Variants in KLHL25 observed in about 807,000 individuals in gnomAD.
KLHL25 encodes the protein kelch-like protein 25.
In KLHL25, 41 loss-of-function variants were observed where a neutral mutation model predicts 30.0. The observed-to-expected ratio is 1.37, with a 90% confidence interval of 1.07 to 1.78. The LOEUF (loss-of-function observed/expected upper bound fraction) is 1.78. Among genes scored for constraint, KLHL25 ranks in the 40% most tolerant of loss-of-function variants. The probability of loss-of-function intolerance (pLI) is 0.00; values close to 1 mark genes in which losing one functional copy is unlikely to be tolerated. For synonymous variants in KLHL25, 399 were observed against 355.3 expected (o/e 1.12, Z -1.38); for missense variants, 971 against 824.5 (o/e 1.18, Z -2.18).
At position 85,768,998 on chromosome 15, in the gene KLHL25, G is replaced by T; in HGVS notation, c.813C>A (p.Arg271=). ...CATTCTGCAGGATCCTGGTCTTGCAGCGCAGGGCCTCATCCATGATAAGCT... is the reference window on the plus strand; with the variant it reads ...CATTCTGCAGGATCCTGGTCTTGCATCGCAGGGCCTCATCCATGATAAGCT... The part of the protein sequence containing the change: ...RTKLIMDEAL[R]CKTRILQNDG... Residue 271 remains arginine, a synonymous_variant, in exon 2 of 3, where the codon CGC becomes CGA. Transcript: ENST00000337975. 2.5e-6 allele frequency: 4 copies of T among 1,612,182 alleles called. No homozygotes were observed. Among genetic ancestry groups the T allele is most frequent in the Non-Finnish European group, 3.4e-6 (4 of 1,179,830 alleles).
At chr15:85,784,518 G>C (rs541215659) in intron 1 of KLHL25, among the ~76,000 whole-genome samples, 124 of 150,006 alleles carry the variant, frequency 8.3e-4, no homozygotes, top group African/African-American at 2.9e-3. Context: ...CAACAACAGC[G>C]AAACTCCATC....
At position 85,760,947 on chromosome 15, in the gene KLHL25, A is replaced by G. The variant is rs970457643; in HGVS notation, c.*89T>C. On this transcript the variant is annotated 3_prime_UTR_variant, in exon 3 of 3. Coordinates refer to ENST00000337975, the MANE Select transcript of KLHL25 (RefSeq NM_022480.4). ...CTTCCACCTCTCGGAGTGCTGGCCCAGGGCCGGCTTAGCTCCCGCTGTGGC... is the reference window on the plus strand; with the variant it reads ...CTTCCACCTCTCGGAGTGCTGGCCCGGGGCCGGCTTAGCTCCCGCTGTGGC... 5 of 152,380 alleles carry G rather than the reference A, an allele frequency of 3.3e-5. No individual in the cohort carries two copies. The highest frequency in any genetic ancestry group is 1.2e-4 in the African/African-American group (5 of 41,484). The allele number at this position is 152,380 out of a possible 1,614,324, so 9.4% of individuals were successfully genotyped here. A position where few individuals can be genotyped will look rare whatever the true frequency, so the allele number is the denominator to read the frequency against.
In KLHL25 at chr15:85,768,045, G is replaced by T; in HGVS notation, c.1766C>A (p.Ala589Glu). The T allele has an allele frequency of 6.2e-7, 1 of 1,609,110 alleles. No homozygotes were observed. The highest frequency in any genetic ancestry group is 8.5e-7 in the Non-Finnish European group (1 of 1,176,170). The change falls in exon 2 of 3, where the codon GCG (alanine) becomes GAG (glutamate). Residue 589 changes from alanine to glutamate, a missense_variant. Coordinates refer to ENST00000337975, the MANE Select transcript of KLHL25 (RefSeq NM_022480.4). ...AFVSTWKHLPA is the reference protein window; with the variant it reads ...AFVSTWKHLPE ...GCTGGGCTCAGCAGGTGCTCCTCAC[G>T]CGGGCAGGTGCTTCCAGGTGCTGAC... is the stretch of plus-strand genomic sequence containing the variant.
intron 1 of KLHL25, among the ~76,000 whole-genome samples, chr15:85,780,446 C>T (rs964898388): frequency 1.3e-5 from 2 of 152,348 alleles, no homozygotes; most frequent in East Asian, 3.9e-4. Flanking sequence ...CAAACAGATG[C>T]AGTCTGAGGA....
intron 2 of KLHL25, among the ~76,000 whole-genome samples, chr15:85,764,874 C>G (rs2089608946): frequency 6.6e-6 from 1 of 152,250 alleles, no homozygotes; most frequent in Admixed American, 6.5e-5. Context: ...GATGGGGAAG[C>G]TGAGCCTCAG....
intron 1 of KLHL25, among the ~76,000 whole-genome samples, chr15:85,792,925 AAAGG>A (rs2089827221): frequency 6.6e-6 from 1 of 152,090 alleles, no homozygotes; most frequent in South Asian, 2.1e-4. Context: ...GGTGCTCACT[AAAGG>A]AAGAGTCTCC....
chr15:85,784,492 C>T (rs984210662), intron 1 of KLHL25, among the ~76,000 whole-genome samples: 4 of 151,966 alleles, frequency 2.6e-5, no homozygotes, highest in African/African-American at 9.7e-5. Context: ...CGTTGCTCTA[C>T]TGCACTCAGC....
chr15:85,791,202 AAAAAAG>A (rs1760104937), intron 1 of KLHL25, among the ~76,000 whole-genome samples: 3 of 151,190 alleles, frequency 2.0e-5, no homozygotes, highest in Admixed American at 2.0e-4. Flanking sequence ...CTCAAAAAAA[AAAAAAG>A]AAAAATGCCA....
Position 85,769,484 on chromosome 15 carries a change from G to C in KLHL25, c.327C>G (p.Arg109=). The change falls in exon 2 of 3, where the codon CGC becomes CGG. Residue 109 remains arginine (R), a synonymous_variant. Coordinates refer to ENST00000337975, the MANE Select transcript of KLHL25 (RefSeq NM_022480.4). ...ELLLDFAYSS[R]IAINEENAES... ...CAGCGTTCTCCTCGTTGATGGCGAT[G>C]CGTGAGGAGTAGGCAAAGTCCAGCA... 1 of 1,614,050 alleles carries C rather than the reference G, an allele frequency of 6.2e-7. No homozygotes were observed. Among genetic ancestry groups the C allele is most frequent in the Non-Finnish European group, 8.5e-7 (1 of 1,180,030 alleles).
Position 85,768,307 on chromosome 15 carries a change from C to G in KLHL25, c.1504G>C (p.Glu502Gln). The G allele has an allele frequency of 6.2e-7, 1 of 1,614,010 alleles. No homozygotes were observed. The highest frequency in any genetic ancestry group is 8.5e-7 in the Non-Finnish European group (1 of 1,180,038). Residue 502 changes from glutamate to glutamine, a missense_variant, in exon 2 of 3, where the codon GAA becomes CAA. Physicochemically the swap from Glu to Gln is conservative, Grantham distance 29. Coordinates refer to ENST00000337975, the MANE Select transcript of KLHL25 (RefSeq NM_022480.4). Reference protein sequence around the residue: ...SQIFIMGGDTEFTAASAYRFD... With the variant: ...SQIFIMGGDTQFTAASAYRFD... ...CGGTAGGCCGAGGCGGCTGTGAATT[C>G]CGTGTCACCTCCCATGATGAAGATC...
At chr15:85,778,132 T>C (rs1312380601) in intron 1 of KLHL25, among the ~76,000 whole-genome samples, 1 of 152,172 alleles carries the variant, frequency 6.6e-6, no homozygotes, top group Non-Finnish European at 1.5e-5. Flanking sequence ...TTCTCATCAA[T>C]CCCACTCCTA....
rs1383200547 is a variant in KLHL25, at chr15:85,769,317, T to C, written c.494A>G (p.Tyr165Cys). 2 of 1,613,946 alleles carry C rather than the reference T, an allele frequency of 1.2e-6. No homozygotes were observed. Among genetic ancestry groups the C allele is most frequent in the South Asian group, 1.1e-5 (1 of 91,086 alleles). ...CAGGCACATGCGCCAGGAGAACTCATACAGCCGGCGGCACTGGTGGGCGTC... is the reference window on the plus strand; with the variant it reads ...CAGGCACATGCGCCAGGAGAACTCACACAGCCGGCGGCACTGGTGGGCGTC... ...LSDAHQCRRL[Y>C]EFSWRMCLVH... Residue 165 changes from tyrosine to cysteine, a missense_variant, in exon 2 of 3, where the codon TAT (tyrosine) becomes TGT (cysteine). Coordinates refer to ENST00000337975, the MANE Select transcript of KLHL25 (RefSeq NM_022480.4).
intron 1 of KLHL25, among the ~76,000 whole-genome samples, chr15:85,780,512 G>C (rs1466497769): frequency 2.0e-5 from 3 of 152,174 alleles, no homozygotes; most frequent in Non-Finnish European, 4.4e-5. Context: ...GCCATTAAAA[G>C]CACTCTGGCC....
In KLHL25 at chr15:85,778,229, A is replaced by C. The variant is rs769528961; in HGVS notation, c.-10-8409T>G. ...AGCTCTGGAAAGCATAGCACTGACAATTAAATGCTTGGCCTGGAAAGACAC... is the reference window on the plus strand; with the variant it reads ...AGCTCTGGAAAGCATAGCACTGACACTTAAATGCTTGGCCTGGAAAGACAC... On this transcript the variant is annotated intron_variant, in intron 1 of 2. Coordinates refer to ENST00000337975, the MANE Select transcript of KLHL25 (RefSeq NM_022480.4). Among the ~76,000 whole-genome samples, 29 of 152,348 alleles carry C rather than the reference A, an allele frequency of 1.9e-4. No homozygotes were observed. In the South Asian group the frequency reaches 3.1e-3, roughly 16 times the overall value.
At chr15:85,784,655 T>A (rs560342178) in intron 1 of KLHL25, among the ~76,000 whole-genome samples, 7 of 152,110 alleles carry the variant, frequency 4.6e-5, no homozygotes, top group Non-Finnish European at 4.4e-5. Context: ...ATGGAGGGCA[T>A]TGAGACTAGA....
intron 1 of KLHL25, among the ~76,000 whole-genome samples, chr15:85,773,896 C>T (rs1250912509): frequency 6.6e-6 from 1 of 152,046 alleles, no homozygotes. Flanking sequence ...GTCATCAGTG[C>T]CCTGAATTGG....
intron 1 of KLHL25, among the ~76,000 whole-genome samples, chr15:85,777,307 T>C (rs74024905): frequency 0.12 from 18,185 of 152,232 alleles, 1,114 homozygotes; most frequent in Middle Eastern, 0.18. Context: ...TGACAGTGCA[T>C]ACAGTGAGAC....
chr15:85,781,241 T>C (rs1349569869), intron 1 of KLHL25, among the ~76,000 whole-genome samples: 1 of 152,204 alleles, frequency 6.6e-6, no homozygotes, highest in African/African-American at 2.4e-5. Context: ...GGCATTCCCA[T>C]CTGACAGCCT....
rs2089564445 is a variant in KLHL25 at position 85,759,485 on chromosome 15, G to A, written c.*1551C>T. 1 of 152,448 alleles carries A rather than the reference G, an allele frequency of 6.6e-6. No individual in the cohort carries two copies. Among genetic ancestry groups the A allele is most frequent in the Non-Finnish European group, 1.5e-5 (1 of 68,058 alleles). The allele number at this position is 152,448 out of a possible 1,614,324, so 9.4% of individuals were successfully genotyped here. A position where few individuals can be genotyped will look rare whatever the true frequency, so the allele number is the denominator to read the frequency against. ...ACCCTCCCTGCAGTCCCCGCGGCCA[G>A]GCTCCTGAGTGTGCCAGCAGAGCCG... is the stretch of plus-strand genomic sequence containing the variant. On this transcript the variant is annotated 3_prime_UTR_variant, in exon 3 of 3. Coordinates refer to ENST00000337975, the MANE Select transcript of KLHL25 (RefSeq NM_022480.4).
Sources: gnomAD v4.1 joint callset for allele counts (sites outside exome capture counted in the v4.1 genomes callset) on GRCh38, gnomAD v4.1.1 for gene constraint, MANE v1.5 for transcripts, NCBI Gene and HGNC (gene_info 2026-07-23, HGNC 2026-07-21) for gene names.